The following RBMS1 variants were observed in gnomAD, a reference collection of about 807,000 sequenced individuals.
RBMS1 encodes RNA-binding motif, single-stranded-interacting protein 1.
Under a neutral mutation model 62.3 loss-of-function variants are expected in RBMS1, and 17 were observed. The ratio of observed to expected loss-of-function variants is 0.27; its 90% CI spans 0.19 to 0.41. RBMS1 has a LOEUF of 0.41. Among genes scored for constraint, RBMS1 ranks in the 10% least tolerant of loss-of-function variants. The pLI is 1.00. For synonymous variants in RBMS1, 172 were observed against 170.0 expected, an observed-to-expected ratio of 1.01 and a Z score of -0.09; for missense variants, 334 against 504.5, an observed-to-expected ratio of 0.66 and a Z score of 3.24.
intron 2 of RBMS1, among the ~76,000 whole-genome samples, chr2:160,328,474 T>C (rs1295042341): frequency 6.6e-6 from 1 of 151,880 alleles, no homozygotes; most frequent in Admixed American, 6.6e-5. Flanking sequence ...TATAAACATG[T>C]AATATGATTT....
chr2:160,277,194 T>G lies in RBMS1; in HGVS notation c.1143+109A>C. The G allele has an allele frequency of 3.9e-6, 4 of 1,036,560 alleles. No individual in the cohort carries two copies. The South Asian group carries it at 5.9e-5, about 15-fold the overall frequency. The allele number at this position is 1,036,560 out of a possible 1,614,324, so 64.2% of individuals were successfully genotyped here. On this transcript the variant is annotated intron_variant, in intron 12 of 13. Transcript: ENST00000348849. ...ACCCACCACATCTGGCTAAACGCAA[T>G]TCTTTATGCAAATATTTGACGTCTG...
intron 1 of RBMS1, among the ~76,000 whole-genome samples, chr2:160,480,579 T>A (rs182534263): frequency 6.6e-6 from 1 of 152,312 alleles, no homozygotes; most frequent in East Asian, 1.9e-4. Context: ...ATAAGAGATA[T>A]ACCATCCTTA....
chr2:160,461,158 A>G (rs569642723), intron 1 of RBMS1, among the ~76,000 whole-genome samples: 1 of 152,236 alleles, frequency 6.6e-6, no homozygotes, highest in East Asian at 1.9e-4. Flanking sequence ...CTGAGGTGGA[A>G]GGATCACTTG....
chr2:160,454,890 T>C (rs962794169), intron 1 of RBMS1, among the ~76,000 whole-genome samples: 1 of 152,244 alleles, frequency 6.6e-6, no homozygotes, highest in Non-Finnish European at 1.5e-5. Context: ...CTCCATTTAT[T>C]TGATTTTTCA....
intron 1 of RBMS1, among the ~76,000 whole-genome samples, chr2:160,406,803 C>T (rs1320028932): frequency 6.6e-6 from 1 of 152,170 alleles, no homozygotes; most frequent in South Asian, 2.1e-4. Flanking sequence ...ACTGAAGTGG[C>T]TTTCGAGTTC....
intron 4 of RBMS1, among the ~76,000 whole-genome samples, chr2:160,311,210 A>ATCTCTCTCTCTCTC (rs1361792296): frequency 1.8e-3 from 101 of 56,562 alleles, no homozygotes; most frequent in East Asian, 0.017. Flanking sequence ...AAAAAAAAAA[A>ATCTCTCTCTCTCTC]TCTATCTATC....
intron 1 of RBMS1, among the ~76,000 whole-genome samples, chr2:160,487,352 G>A (rs1029257738): frequency 2.6e-5 from 4 of 152,188 alleles, no homozygotes; most frequent in Non-Finnish European, 4.4e-5. Flanking sequence ...TGCTGCTTTC[G>A]TGGGTGCACT....
chr2:160,379,203 T>C (rs1372997409), intron 1 of RBMS1, among the ~76,000 whole-genome samples: 2 of 147,906 alleles, frequency 1.4e-5, no homozygotes, highest in South Asian at 2.1e-4. Context: ...TGGGGGGCAA[T>C]AGAGGAAGAA....
chr2:160,471,716 T>TATATATATATATATATATATATATAA (rs371634389), intron 1 of RBMS1, among the ~76,000 whole-genome samples: 1,253 of 75,646 alleles, frequency 0.017, 81 homozygotes, highest in Non-Finnish European at 0.021. Flanking sequence ...TATATATATA[T>TATATATATATATATATATATATATAA]AACCTTTCAT....
intron 1 of RBMS1, among the ~76,000 whole-genome samples, chr2:160,426,119 T>C (rs1439918005): frequency 6.6e-6 from 1 of 151,932 alleles, no homozygotes; most frequent in Non-Finnish European, 1.5e-5. Flanking sequence ...CTGCAGTCCT[T>C]GCACTTCCAC....
At chr2:160,456,533 C>T (rs1684238118) in intron 1 of RBMS1, among the ~76,000 whole-genome samples, 5 of 152,154 alleles carry the variant, frequency 3.3e-5, no homozygotes, top group Admixed American at 2.6e-4. Flanking sequence ...CTCTTCTAAA[C>T]ACAATACCTT....
In RBMS1 at chr2:160,307,161, G is replaced by A. The variant is rs74531954; in HGVS notation, c.403-3674C>T. ...GAAAGAAATTAACAAAAACCTCCCC[G>A]TGCGTGTGGAATGGTTCCTAAAATG... On this transcript the variant is annotated intron_variant, in intron 4 of 13. Transcript: ENST00000348849. Among the ~76,000 whole-genome samples the A allele has an allele frequency of 3.9e-5, 6 of 152,116 alleles. No individual in the cohort carries two copies. In the East Asian group the frequency reaches 7.7e-4, roughly 20 times the overall value.
chr2:160,410,221 CA>C (rs575199475), intron 1 of RBMS1, among the ~76,000 whole-genome samples: 1,639 of 67,934 alleles, frequency 0.024, 4 homozygotes, highest in African/African-American at 0.055. Context: ...GACCCCGTCT[CA>C]AAAAAAAAAA....
chr2:160,367,980 C>A (rs1299516493), intron 1 of RBMS1, among the ~76,000 whole-genome samples: 20 of 152,172 alleles, frequency 1.3e-4, no homozygotes. Context: ...TGAAATTTAA[C>A]CCCTGTGAGA....
At position 160,276,995 on chromosome 2, in the gene RBMS1, A is replaced by G. The variant is rs994456463; in HGVS notation, c.1143+308T>C. Among the ~76,000 whole-genome samples the G allele has an allele frequency of 3.9e-5, 6 of 152,246 alleles. No homozygotes were observed. The East Asian group carries it at 1.2e-3, about 29-fold the overall frequency. ...AGGGCTCAAGGGTTCTTCCTGCCTC[A>G]TACTCCTGAGTAGCTGGGACTACAG... is the stretch of plus-strand genomic sequence containing the variant. On this transcript the variant is annotated intron_variant, in intron 12 of 13. Transcript: ENST00000348849.
At chr2:160,325,887 C>G (rs556342923) in intron 2 of RBMS1, among the ~76,000 whole-genome samples, 3 of 152,144 alleles carry the variant, frequency 2.0e-5, no homozygotes, top group Non-Finnish European at 4.4e-5. Context: ...ACATTTACCT[C>G]TTTTGCCCTG....
At chr2:160,403,215 C>T (rs1695526001) in intron 1 of RBMS1, among the ~76,000 whole-genome samples, 1 of 152,158 alleles carries the variant, frequency 6.6e-6, no homozygotes, top group Admixed American at 6.5e-5. Context: ...GATAACATAA[C>T]ATAAAAATGG....
At chr2:160,438,451 G>C (rs1453927790) in intron 1 of RBMS1, among the ~76,000 whole-genome samples, 1 of 151,672 alleles carries the variant, frequency 6.6e-6, no homozygotes, top group Non-Finnish European at 1.5e-5. Flanking sequence ...ATTAGGGAGT[G>C]GTGATGACTC....
chr2:160,326,672 A>G (rs910436381), intron 2 of RBMS1, among the ~76,000 whole-genome samples: 3 of 152,178 alleles, frequency 2.0e-5, no homozygotes, highest in African/African-American at 7.2e-5. Context: ...GCAGAGAGAG[A>G]TGCCACATTT....
Sources: allele counts gnomAD v4.1 joint callset (sites outside exome capture counted in the v4.1 genomes callset), GRCh38; gene constraint gnomAD v4.1.1; transcripts MANE v1.5; gene names NCBI Gene and HGNC (gene_info 2026-07-23, HGNC 2026-07-21).